Variants in RPN1 observed in about 807,000 individuals in gnomAD.
The protein encoded by RPN1 is ribophorin I.
In RPN1, 12 loss-of-function variants were observed where a neutral mutation model predicts 55.5. The observed-to-expected ratio is 0.22, with a 90% CI of 0.14 to 0.35. The LOEUF (loss-of-function observed/expected upper bound fraction) is 0.35, where lower values mean the gene tolerates loss of function less well. Among genes scored for constraint, RPN1 ranks in the 10% least tolerant of loss-of-function variants. RPN1 has a pLI of 1.00. For missense variants in RPN1, 679 were observed against 761.3 expected, an observed-to-expected ratio of 0.89 and a Z score of 1.27; for synonymous variants, 317 against 305.9, an observed-to-expected ratio of 1.04 and a Z score of -0.38.
intron 3 of RPN1, among the ~76,000 whole-genome samples, chr3:128,636,622 T>C (rs1248348642): frequency 3.9e-5 from 6 of 152,088 alleles, no homozygotes; most frequent in Non-Finnish European, 7.4e-5. Flanking sequence ...GGTGCAATCA[T>C]AGCTAACTGC....
intron 2 of RPN1, among the ~76,000 whole-genome samples, chr3:128,643,664 T>C (rs1164814774): frequency 6.6e-6 from 1 of 151,752 alleles, no homozygotes; most frequent in East Asian, 1.9e-4. Context: ...GGTGTGCTGG[T>C]GCATGCCTGT....
At chr3:128,628,379 T>C (rs920252812) in intron 5 of RPN1, among the ~76,000 whole-genome samples, 1 of 151,216 alleles carries the variant, frequency 6.6e-6, no homozygotes, top group African/African-American at 2.4e-5. Context: ...GAATTAAGGC[T>C]AATTAAGATG....
chr3:128,644,767 T>A, intron 2 of RPN1, 152 bp downstream of exon 2: 1 of 647,988 alleles, frequency 1.5e-6, no homozygotes, highest in Non-Finnish European at 2.8e-6. Flanking sequence ...AAGACCAGCC[T>A]GGGCAACATA....
At position 128,641,598 on chromosome 3, in the gene RPN1, A is replaced by AT. The variant is rs200536414; in HGVS notation, c.326+3320dup. 4.5e-3 allele frequency among the ~76,000 whole-genome samples: 651 copies of AT among 143,896 alleles called. 8 individuals carry two copies. Among genetic ancestry groups the AT allele is most frequent in the African/African-American group, 0.016 (620 of 39,188 alleles). The allele number at this position is 143,896 out of a possible 152,430, so 94.4% of individuals were successfully genotyped here. A position where few individuals can be genotyped will look rare whatever the true frequency, so the allele number is the denominator to read the frequency against. ...CTCCAAGTACATTATATATATATTG[A>AT]TTTAGTGAATCTTTTTTTTTTTTTT... On this transcript the variant is annotated intron_variant, in intron 2 of 9. Coordinates refer to ENST00000296255, the MANE Select transcript of RPN1 (RefSeq NM_002950.4).
Position 128,650,546 on chromosome 3 carries a change from G to A in RPN1, c.255C>T (p.Gly85=), listed in dbSNP as rs763331685. ...AGGGGTCGCCCACACTCACCTGCAC[G>A]CCCAGGTGCGCCAGCCGGGCCTCGA... ...PELEARLAHL[G]VQVKGEDEEE... Residue 85 remains glycine, a synonymous_variant, in exon 1 of 10, where the codon GGC becomes GGT. Transcript: ENST00000296255. 14 of 1,540,632 alleles carry A rather than the reference G, an allele frequency of 9.1e-6. No individual in the cohort carries two copies. The South Asian group carries it at 1.4e-4, about 16-fold the overall frequency.
chr3:128,630,549 C>T (rs1311350235), intron 4 of RPN1, among the ~76,000 whole-genome samples: 3 of 152,016 alleles, frequency 2.0e-5, no homozygotes, highest in African/African-American at 7.2e-5. Context: ...ATTGTATCTT[C>T]CAAATCTGTC....
rs1225472358 is a variant in RPN1, at chr3:128,620,187, G to A, written c.*224C>T. The A allele has an allele frequency of 2.7e-6, 1 of 372,492 alleles. No individual in the cohort carries two copies. The highest frequency in any genetic ancestry group is 2.1e-5 in the African/African-American group (1 of 47,906). The allele number at this position is 372,492 out of a possible 1,614,324, so 23.1% of individuals were successfully genotyped here. On this transcript the variant is annotated 3_prime_UTR_variant, in exon 10 of 10. Coordinates refer to ENST00000296255, the MANE Select transcript of RPN1 (RefSeq NM_002950.4). ...ACACAAAGATGTTTTGTTTTTAATG[G>A]GAGTTTTTTTAAAGTTTTCTTTTTT...
chr3:128,623,070 A>T (rs2069572491), intron 8 of RPN1, among the ~76,000 whole-genome samples: 1 of 152,190 alleles, frequency 6.6e-6, no homozygotes, highest in South Asian at 2.1e-4. Flanking sequence ...GACATTCTAT[A>T]AAACTGGTCT....
chr3:128,634,401 A>T (rs1347291061), intron 3 of RPN1, among the ~76,000 whole-genome samples: 1 of 152,096 alleles, frequency 6.6e-6, no homozygotes, highest in Non-Finnish European at 1.5e-5. Flanking sequence ...TAAGTGGCAA[A>T]GGTATTACAC....
intron 2 of RPN1, among the ~76,000 whole-genome samples, chr3:128,638,892 G>A (rs552290854): frequency 3.3e-5 from 5 of 152,184 alleles, no homozygotes; most frequent in Admixed American, 6.5e-5. Context: ...CTTGAACCCG[G>A]GAGGCGGAGG....
intron 8 of RPN1, among the ~76,000 whole-genome samples, chr3:128,623,473 G>C (rs2069575135): frequency 6.6e-6 from 1 of 152,166 alleles, no homozygotes; most frequent in Non-Finnish European, 1.5e-5. Context: ...AGGAGGTCGA[G>C]GCTGCAGTGA....
intron 9 of RPN1, among the ~76,000 whole-genome samples, chr3:128,621,642 T>G (rs1333350492): frequency 1.3e-5 from 2 of 152,168 alleles, no homozygotes. Context: ...GATAACTCCT[T>G]TACATAGCTT....
intron 3 of RPN1, among the ~76,000 whole-genome samples, chr3:128,635,677 ATATC>A (rs1223629257): frequency 1.7e-5 from 2 of 120,590 alleles, no homozygotes; most frequent in Non-Finnish European, 1.7e-5. Context: ...ATATCTATAG[ATATC>A]TATAGATATA....
At chr3:128,622,983 C>T (rs896637011) in intron 8 of RPN1, among the ~76,000 whole-genome samples, 2 of 151,962 alleles carry the variant, frequency 1.3e-5, no homozygotes, top group Non-Finnish European at 2.9e-5. Context: ...ATGATAATGT[C>T]AGTGTGCCCT....
At chr3:128,648,865 G>C (rs1362885590) in intron 1 of RPN1, among the ~76,000 whole-genome samples, 1 of 152,196 alleles carries the variant, frequency 6.6e-6, no homozygotes, top group Non-Finnish European at 1.5e-5. Flanking sequence ...CACAACTTAC[G>C]GAATAAGCTG....
At chr3:128,625,037 G>A (rs1485671560) in intron 8 of RPN1, among the ~76,000 whole-genome samples, 1 of 152,170 alleles carries the variant, frequency 6.6e-6, no homozygotes. Context: ...AGAGCAAGAG[G>A]ATGACCTGAG....
chr3:128,641,204 C>T (rs1271498722), intron 2 of RPN1: 1 of 151,942 alleles, frequency 6.6e-6, no homozygotes, highest in East Asian at 1.9e-4. Context: ...ACTGAGAACC[C>T]CATATAGGTC....
In RPN1 at chr3:128,625,885, G is replaced by C; in HGVS notation, c.1264C>G (p.Gln422Glu). Residue 422 changes from glutamine (Q) to glutamate (E), a missense_variant, in exon 7 of 10, where the codon CAG becomes GAG. Physicochemically the swap from Gln to Glu is conservative, Grantham distance 29. Coordinates refer to ENST00000296255, the MANE Select transcript of RPN1 (RefSeq NM_002950.4). ...GTGGAGCCACTCACCACAATGTCCTGAATGTGCTGTTCTACCAGATTTTTC... is the reference window on the plus strand; with the variant it reads ...GTGGAGCCACTCACCACAATGTCCTCAATGTGCTGTTCTACCAGATTTTTC... ...YKKNLVEQHI[Q>E]DIVVHYTFNK... The C allele has an allele frequency of 6.2e-7, 1 of 1,611,968 alleles. No individual in the cohort carries two copies. Among genetic ancestry groups the C allele is most frequent in the Middle Eastern group, 1.7e-4 (1 of 6,050 alleles).
intron 3 of RPN1, among the ~76,000 whole-genome samples, chr3:128,636,819 G>C (rs555016328): frequency 6.6e-6 from 1 of 152,154 alleles, no homozygotes; most frequent in Non-Finnish European, 1.5e-5. Flanking sequence ...AAAGTGCTAG[G>C]ATTATAGGCA....
Sources: gnomAD v4.1 joint callset for allele counts (sites outside exome capture counted in the v4.1 genomes callset) on GRCh38, gnomAD v4.1.1 for gene constraint, MANE v1.5 for transcripts, NCBI Gene and HGNC (gene_info 2026-07-23, HGNC 2026-07-21) for gene names.